The following MALRD1 variants were observed in gnomAD, a reference collection of about 807,000 sequenced individuals.
MALRD1 encodes the protein MAM and LDL receptor class A domain containing 1.
A neutral mutation model predicts 242.1 loss-of-function variants in MALRD1; 247 were observed. That is an observed-to-expected ratio of 1.02 (90% CI 0.92 to 1.13). MALRD1 has a LOEUF of 1.13. MALRD1 is among the 50% of genes most tolerant of loss of function. The pLI is 0.00. For synonymous variants in MALRD1, 995 were observed against 866.6 expected, an observed-to-expected ratio of 1.15 and a Z score of -2.60; for missense variants, 2,989 against 2,533.1, an observed-to-expected ratio of 1.18 and a Z score of -3.86.
chr10:19,166,546 T>C (rs1834694068), intron 13 of MALRD1, among the ~76,000 whole-genome samples: 1 of 152,180 alleles, frequency 6.6e-6, no homozygotes, highest in Admixed American at 6.5e-5. Context: ...CAAGTTATTG[T>C]GTATTTCAAA....
intron 26 of MALRD1, among the ~76,000 whole-genome samples, chr10:19,367,614 C>T (rs1845162413): frequency 6.6e-6 from 1 of 152,074 alleles, no homozygotes; most frequent in South Asian, 2.1e-4. Flanking sequence ...AACTATTTTT[C>T]CTCCTTCGGA....
intron 38 of MALRD1, among the ~76,000 whole-genome samples, chr10:19,712,381 T>C (rs886670708): frequency 2.6e-5 from 4 of 152,224 alleles, no homozygotes; most frequent in African/African-American, 9.6e-5. Context: ...TTTCCATTGT[T>C]CTAAAAGCTG....
Position 19,306,605 on chromosome 10 carries a change from G to GTA in MALRD1, c.3420-17334_3420-17333dup, listed in dbSNP as rs550375376. ...ATATACTGTATATATACTTAATTGT[G>GTA]TATATATATATGTACTTAAATGAAG... On this transcript the variant is annotated intron_variant, in intron 21 of 39. Transcript: ENST00000454679. 3.3e-3 allele frequency among the ~76,000 whole-genome samples: 487 copies of GTA among 149,176 alleles called. 1 individual carries two copies. Among genetic ancestry groups the GTA allele is most frequent in the African/African-American group, 0.011 (439 of 40,722 alleles).
intron 31 of MALRD1, among the ~76,000 whole-genome samples, chr10:19,528,255 A>C (rs1834188159): frequency 6.6e-6 from 1 of 152,162 alleles, no homozygotes; most frequent in South Asian, 2.1e-4. Flanking sequence ...TGTACTGAAA[A>C]TTTTGCTGCA....
At chr10:19,126,064 T>A (rs926526069) in intron 7 of MALRD1, among the ~76,000 whole-genome samples, 6 of 152,012 alleles carry the variant, frequency 3.9e-5, no homozygotes, top group South Asian at 4.1e-4. Flanking sequence ...TTTTTTTTTT[T>A]AATTTCTAAG....
Position 19,324,039 on chromosome 10 carries a change from C to T in MALRD1, c.3510C>T (p.Leu1170=). The T allele has an allele frequency of 6.4e-7, 1 of 1,550,740 alleles. No homozygotes were observed. Among genetic ancestry groups the T allele is most frequent in the Non-Finnish European group, 8.7e-7 (1 of 1,146,922 alleles). ...TADILTPIIS[L]TGPKCTLVFW... Reference sequence around the variant, plus strand: ...ACATTCTCACTCCTATCATTTCACTCACGGGACCAAAATGTACCTTGGTGT... The same window carrying T: ...ACATTCTCACTCCTATCATTTCACTTACGGGACCAAAATGTACCTTGGTGT... Residue 1170 remains leucine (L), a synonymous_variant, in exon 22 of 40, where the codon CTC becomes CTT. Transcript: ENST00000454679.
chr10:19,161,840 C>A (rs564341930), intron 12 of MALRD1, among the ~76,000 whole-genome samples: 5 of 152,096 alleles, frequency 3.3e-5, no homozygotes, highest in Admixed American at 3.3e-4. Flanking sequence ...TCATCCTGGC[C>A]AACATGGTAA....
chr10:19,148,788 A>AAT (rs767384867), intron 11 of MALRD1, among the ~76,000 whole-genome samples: 8,195 of 87,834 alleles, frequency 0.093, 501 homozygotes, highest in East Asian at 0.17. Context: ...AAAAAAAAAA[A>AAT]ATATATATAT....
intron 29 of MALRD1, among the ~76,000 whole-genome samples, chr10:19,470,883 G>A (rs4748586): frequency 6.6e-6 from 1 of 151,710 alleles, no homozygotes; most frequent in Non-Finnish European, 1.5e-5. Context: ...CTTGGGTCGC[G>A]TAGGCTGCCT....
chr10:19,278,293 A>T (rs1157806160), intron 19 of MALRD1, among the ~76,000 whole-genome samples: 2 of 152,262 alleles, frequency 1.3e-5, no homozygotes, highest in African/African-American at 2.4e-5. Context: ...AGATGAGCTC[A>T]TCAACCTTTG....
intron 9 of MALRD1, among the ~76,000 whole-genome samples, chr10:19,135,456 T>C (rs1564414814): frequency 6.6e-6 from 1 of 152,108 alleles, no homozygotes; most frequent in African/African-American, 2.4e-5. Context: ...ACCTGACCTA[T>C]CCCTCATGTT....
intron 35 of MALRD1, among the ~76,000 whole-genome samples, chr10:19,609,564 C>A (rs536786303): frequency 6.6e-6 from 1 of 152,036 alleles, no homozygotes; most frequent in Non-Finnish European, 1.5e-5. Context: ...GTGGTCTCAC[C>A]ATGGTCACTA....
At chr10:19,671,830 C>G (rs947113286) in intron 36 of MALRD1, among the ~76,000 whole-genome samples, 4 of 152,114 alleles carry the variant, frequency 2.6e-5, no homozygotes, top group Non-Finnish European at 5.9e-5. Context: ...GGCAAAATCA[C>G]TTGGTACCAG....
chr10:19,316,072 A>AAATTTAAGT (rs1842693467), intron 21 of MALRD1, among the ~76,000 whole-genome samples: 1 of 150,800 alleles, frequency 6.6e-6, no homozygotes, highest in African/African-American at 2.4e-5. Flanking sequence ...ACTCCTTAGT[A>AAATTTAAGT]AATTTACGTA....
At chr10:19,694,558 A>G (rs1833278583) in intron 38 of MALRD1, among the ~76,000 whole-genome samples, 1 of 152,230 alleles carries the variant, frequency 6.6e-6, no homozygotes, top group Non-Finnish European at 1.5e-5. Flanking sequence ...GCGATCATTA[A>G]AAAGTCAGGA....
At chr10:19,558,845 T>G (rs865815741) in intron 32 of MALRD1, among the ~76,000 whole-genome samples, 4 of 152,164 alleles carry the variant, frequency 2.6e-5, no homozygotes, top group Non-Finnish European at 5.9e-5. Context: ...TTCAAGGAAT[T>G]GGTCAATTAC....
rs557404179 is a variant in MALRD1, at chr10:19,551,303, T to C, written c.5479-16199T>C. Among the ~76,000 whole-genome samples the C allele has an allele frequency of 7.0e-4, 107 of 152,298 alleles. 2 individuals carry two copies. The South Asian group carries it at 0.021, about 30-fold the overall frequency. On this transcript the variant is annotated intron_variant, in intron 32 of 39. Coordinates refer to ENST00000454679, the MANE Select transcript of MALRD1 (RefSeq NM_001142308.3). The stretch of plus-strand genomic sequence containing the variant: ...TTTCAGCACTGTCTTGTAATTTTCA[T>C]TGTAGAGATCTTTCACCTCCCCTGT...
intron 36 of MALRD1, among the ~76,000 whole-genome samples, chr10:19,682,403 G>T (rs1423524940): frequency 6.6e-6 from 1 of 152,218 alleles, no homozygotes; most frequent in Non-Finnish European, 1.5e-5. Context: ...AGACCTGTTA[G>T]AATTTAAGAA....
At chr10:19,431,250 T>C (rs986056546) in intron 28 of MALRD1, among the ~76,000 whole-genome samples, 4 of 152,364 alleles carry the variant, frequency 2.6e-5, no homozygotes, top group Middle Eastern at 3.4e-3. Context: ...TGTTATAGAC[T>C]TAATTCTTCA....
Sources: gnomAD v4.1 joint callset for allele counts (sites outside exome capture counted in the v4.1 genomes callset) on GRCh38, gnomAD v4.1.1 for gene constraint, MANE v1.5 for transcripts, NCBI Gene and HGNC (gene_info 2026-07-23, HGNC 2026-07-21) for gene names.